LAMA2: variants seen among roughly 807,000 people sequenced by gnomAD.
LAMA2 encodes laminin subunit alpha-2.
In LAMA2, 269 loss-of-function variants were observed where a neutral mutation model predicts 364.8. The ratio of observed to expected loss-of-function variants is 0.74; its 90% CI spans 0.67 to 0.82. The LOEUF is 0.82. LAMA2 is among the 40% of genes least tolerant of loss of function. The pLI is 0.00. For synonymous variants in LAMA2, 1,379 were observed against 1,370.6 expected (o/e 1.01, Z -0.14); for missense variants, 3,807 against 3,873.2 (o/e 0.98, Z 0.45).
At chr6:129,193,695 C>T (rs1458619395) in intron 12 of LAMA2, among the ~76,000 whole-genome samples, 2 of 152,316 alleles carry the variant, frequency 1.3e-5, no homozygotes, top group East Asian at 1.9e-4. Flanking sequence ...GGGAAAATCC[C>T]TTCCTAAATT....
At chr6:129,493,164 AAAAT>A (rs1167890571) in intron 58 of LAMA2, among the ~76,000 whole-genome samples, 2 of 152,214 alleles carry the variant, frequency 1.3e-5, no homozygotes, top group African/African-American at 2.4e-5. Context: ...CCAAAAAATA[AAAAT>A]AAATAAATAA....
At chr6:128,980,658 G>T (rs912256158) in intron 1 of LAMA2, among the ~76,000 whole-genome samples, 1 of 152,134 alleles carries the variant, frequency 6.6e-6, no homozygotes, top group Non-Finnish European at 1.5e-5. Context: ...GAGAGATAAT[G>T]AGACTTTCAT....
intron 12 of LAMA2, among the ~76,000 whole-genome samples, chr6:129,204,540 T>A (rs1290804356): frequency 6.7e-6 from 1 of 150,166 alleles, no homozygotes; most frequent in African/African-American, 2.5e-5. Context: ...CATGTGAACA[T>A]GATGATGGCC....
At chr6:129,169,219 A>G (rs1461398655) in intron 9 of LAMA2, among the ~76,000 whole-genome samples, 3 of 149,054 alleles carry the variant, frequency 2.0e-5, no homozygotes, top group African/African-American at 7.7e-5. Context: ...GCGGTGAGAG[A>G]GGGCATCCCT....
rs571312284 is a variant in LAMA2, at chr6:129,171,402, TGTAAA to T, written c.1306+5731_1306+5735del. On this transcript the variant is annotated intron_variant, in intron 9 of 64. Transcript: ENST00000421865. ...CAAAATCTCTCAGCATTTGCTTGTC[TGTAAA>T]GTATTTTATTTCTCCTTCGCTTATG... is the stretch of plus-strand genomic sequence containing the variant. 7.1e-4 allele frequency among the ~76,000 whole-genome samples: 108 copies of T among 152,138 alleles called. 3 individuals carry two copies. In the South Asian group the frequency reaches 0.022, roughly 31 times the overall value.
chr6:129,482,207 G>A (rs1362791606), intron 55 of LAMA2, among the ~76,000 whole-genome samples: 3 of 152,102 alleles, frequency 2.0e-5, no homozygotes, highest in African/African-American at 7.2e-5. Context: ...ATTCAGGACT[G>A]CTATTCAGCT....
chr6:129,446,988 GA>G (rs1376570426), intron 45 of LAMA2, among the ~76,000 whole-genome samples: 2 of 152,196 alleles, frequency 1.3e-5, no homozygotes, highest in African/African-American at 4.8e-5. Context: ...GCTAGAATAT[GA>G]AAGCCAGGCA....
At chr6:129,112,228 G>GA (rs1484972761) in intron 4 of LAMA2, among the ~76,000 whole-genome samples, 2 of 151,910 alleles carry the variant, frequency 1.3e-5, no homozygotes, top group Non-Finnish European at 2.9e-5. Flanking sequence ...GCTTTTTAAA[G>GA]AAAAAATTAT....
At chr6:128,889,112 C>T (rs918445776) in intron 1 of LAMA2, among the ~76,000 whole-genome samples, 21 of 152,104 alleles carry the variant, frequency 1.4e-4, no homozygotes, top group East Asian at 3.9e-4. Context: ...AGGGAACTTC[C>T]GCAGCTTTTA....
intron 41 of LAMA2, among the ~76,000 whole-genome samples, chr6:129,437,953 G>C (rs1781915250): frequency 6.6e-6 from 1 of 151,206 alleles, no homozygotes; most frequent in Admixed American, 6.6e-5. Flanking sequence ...AAAACTAGTG[G>C]AAAGCAGCTA....
intron 4 of LAMA2, among the ~76,000 whole-genome samples, chr6:129,127,177 G>C (rs914264602): frequency 6.6e-5 from 10 of 152,144 alleles, no homozygotes; most frequent in Non-Finnish European, 1.3e-4. Flanking sequence ...TGCACTAAAA[G>C]TAAAAAAATA....
At chr6:129,430,768 A>G (rs532333338) in intron 41 of LAMA2, among the ~76,000 whole-genome samples, 2 of 152,230 alleles carry the variant, frequency 1.3e-5, no homozygotes, top group East Asian at 1.9e-4. Context: ...ACTTGAGCCC[A>G]GGAGGCAGAG....
chr6:129,487,700 T>G (rs1477788609), intron 56 of LAMA2, among the ~76,000 whole-genome samples: 2 of 151,958 alleles, frequency 1.3e-5, no homozygotes, highest in Non-Finnish European at 2.9e-5. Flanking sequence ...TCCTCAGTTT[T>G]TATTATTATT....
intron 41 of LAMA2, among the ~76,000 whole-genome samples, chr6:129,432,248 G>T (rs1257446046): frequency 6.6e-6 from 1 of 152,152 alleles, no homozygotes; most frequent in Admixed American, 6.5e-5. Context: ...CTCCTTTAGA[G>T]TGTGAATGGT....
chr6:129,465,414 TAC>T (rs1166791624), intron 51 of LAMA2, 125 bp downstream of exon 51: 3 of 835,144 alleles, frequency 3.6e-6, no homozygotes, highest in African/African-American at 3.4e-5. Flanking sequence ...GAAAAATTTA[TAC>T]AGTCATTTTT....
intron 12 of LAMA2, among the ~76,000 whole-genome samples, chr6:129,206,216 C>A (rs1344460871): frequency 6.6e-6 from 1 of 151,872 alleles, no homozygotes; most frequent in Non-Finnish European, 1.5e-5. Flanking sequence ...ATATGTATGA[C>A]TACTATTTGT....
intron 56 of LAMA2, among the ~76,000 whole-genome samples, 199 bp downstream of exon 56, chr6:129,486,821 C>A (rs1430996410): frequency 6.6e-6 from 1 of 151,948 alleles, no homozygotes; most frequent in African/African-American, 2.4e-5. Context: ...GGAGTTCTAC[C>A]CTTAACATTT....
Position 129,507,619 on chromosome 6 carries a change from A to T in LAMA2, c.8834A>T (p.Asp2945Val). 1 of 1,614,140 alleles carries T rather than the reference A, an allele frequency of 6.2e-7. No individual in the cohort carries two copies. The highest frequency in any genetic ancestry group is 8.5e-7 in the Non-Finnish European group (1 of 1,179,984). Reference protein sequence around the residue: ...FANAQRGTYFDGTGFAKAVGG... With the variant: ...FANAQRGTYFVGTGFAKAVGG... ...AATGCTCAGAGGGGAACATATTTTGACGGAACCGGTTTTGCCAAAGCAGGT... is the reference window on the plus strand; with the variant it reads ...AATGCTCAGAGGGGAACATATTTTGTCGGAACCGGTTTTGCCAAAGCAGGT... Residue 2945 changes from aspartate to valine, a missense_variant, in exon 62 of 65, where the codon GAC becomes GTC. Physicochemically the swap from Asp to Val is radical, Grantham distance 152. Coordinates refer to ENST00000421865, the MANE Select transcript of LAMA2 (RefSeq NM_000426.4).
intron 1 of LAMA2, among the ~76,000 whole-genome samples, chr6:128,913,329 T>C (rs1039302620): frequency 2.0e-5 from 3 of 152,202 alleles, no homozygotes; most frequent in Non-Finnish European, 4.4e-5. Context: ...CACCCCATCA[T>C]TGATATAACC....
Sources: gnomAD v4.1 joint callset for allele counts (sites outside exome capture counted in the v4.1 genomes callset) on GRCh38, gnomAD v4.1.1 for gene constraint, MANE v1.5 for transcripts, NCBI Gene and HGNC (gene_info 2026-07-23, HGNC 2026-07-21) for gene names.